PGD: variants seen among roughly 807,000 people sequenced by gnomAD.
PGD encodes the protein phosphogluconate dehydrogenase, also known as 6-phosphogluconate dehydrogenase, decarboxylating.
A neutral mutation model predicts 60.4 loss-of-function variants in PGD; 21 were observed. The ratio of observed to expected loss-of-function variants is 0.35; its 90% confidence interval spans 0.25 to 0.50. The LOEUF (loss-of-function observed/expected upper bound fraction) is 0.50, where lower values mean the gene tolerates loss of function less well. Among genes scored for constraint, PGD ranks in the 20% least tolerant of loss-of-function variants. The pLI, the probability that PGD is intolerant of heterozygous loss-of-function variation, is 0.98. For missense variants in PGD, 477 were observed against 613.1 expected, an observed-to-expected ratio of 0.78 and a Z score of 2.34; for synonymous variants, 230 against 235.9, an observed-to-expected ratio of 0.97 and a Z score of 0.23.
chr1:10,412,952 C>A, intron 7 of PGD, 110 bp from the exon 8 acceptor site: 1 of 884,512 alleles, frequency 1.1e-6, no homozygotes, highest in Non-Finnish European at 1.8e-6. Flanking sequence ...CAGACGCGAG[C>A]AGAGCCTGCT....
chr1:10,406,298 C>T (rs977998280), intron 5 of PGD, among the ~76,000 whole-genome samples: 46 of 151,946 alleles, frequency 3.0e-4, no homozygotes, highest in African/African-American at 1.1e-3. Flanking sequence ...ACCTGTAGTG[C>T]CAGCTATTCA....
intron 10 of PGD, among the ~76,000 whole-genome samples, chr1:10,417,734 A>G (rs1270924375): frequency 6.6e-6 from 1 of 151,924 alleles, no homozygotes; most frequent in African/African-American, 2.4e-5. Flanking sequence ...TTTGAGACCA[A>G]GTTTCGCTCT....
rs1639360333 is a variant in PGD at position 10,404,108 on chromosome 1, T to C, written c.331-53T>C. 3 of 1,255,466 alleles carry C rather than the reference T, an allele frequency of 2.4e-6. No individual in the cohort carries two copies. The South Asian group carries it at 3.9e-5, about 16-fold the overall frequency. The allele number at this position is 1,255,466 out of a possible 1,614,324, so 77.8% of individuals were successfully genotyped here. On this transcript the variant is annotated intron_variant, in intron 4 of 12. Coordinates refer to ENST00000270776, the MANE Select transcript of PGD (RefSeq NM_002631.4). ...CATTTTTGGGTAGCATAATGAAACA[T>C]GGAAGCATAATGAAACATGGAAGCA...
chr1:10,417,395 T>C lies in PGD; in HGVS notation c.995T>C (p.Ile332Thr). The change falls in exon 10 of 13, where the codon ATC (isoleucine) becomes ACC (threonine). Residue 332 changes from isoleucine (I) to threonine (T), a missense_variant. Ile to Thr is a moderately conservative substitution (Grantham distance 89). Transcript: ENST00000270776. The stretch of plus-strand genomic sequence containing the variant: ...CTTTAGGCACTCTACGCTTCCAAGA[T>C]CATCTCTTACGCTCAAGGCTTTATG... Reference protein sequence around the residue: ...DIRKALYASKIISYAQGFMLL... With the variant: ...DIRKALYASKTISYAQGFMLL... 2.5e-6 allele frequency: 4 copies of C among 1,612,156 alleles called. No individual in the cohort carries two copies. The highest frequency in any genetic ancestry group is 3.4e-6 in the Non-Finnish European group (4 of 1,179,240).
chr1:10,408,548 C>T (rs868610817), intron 6 of PGD, among the ~76,000 whole-genome samples: 2 of 152,196 alleles, frequency 1.3e-5, no homozygotes, highest in Middle Eastern at 3.4e-3. Context: ...ATTCCATGAA[C>T]GTGGAAAATT....
chr1:10,403,798 C>G lies in PGD; in HGVS notation c.331-363C>G, dbSNP rs534997150. 5.9e-5 allele frequency among the ~76,000 whole-genome samples: 9 copies of G among 152,294 alleles called. No homozygotes were observed. In the East Asian group the frequency reaches 1.7e-3, roughly 29 times the overall value. ...CAAATGCTGAGGGAATTCCTGTGTG[C>G]TCTGAAGTGCTGAATGGCATTAAGT... On this transcript the variant is annotated intron_variant, in intron 4 of 12. Coordinates refer to ENST00000270776, the MANE Select transcript of PGD (RefSeq NM_002631.4).
intron 2 of PGD, chr1:10,400,044 G>A: frequency 2.2e-6 from 1 of 458,442 alleles, no homozygotes; most frequent in Non-Finnish European, 4.0e-6. Context: ...GAGTGAAAAT[G>A]TTTCTTCTAA....
intron 5 of PGD, among the ~76,000 whole-genome samples, chr1:10,406,485 CAT>C (rs917984918): frequency 1.3e-5 from 2 of 152,192 alleles, no homozygotes; most frequent in African/African-American, 4.8e-5. Context: ...AAGTATTTGA[CAT>C]ATGGAGTGCT....
At chr1:10,409,847 G>A (rs189253643) in intron 6 of PGD, among the ~76,000 whole-genome samples, 226 of 151,738 alleles carry the variant, frequency 1.5e-3, no homozygotes, top group Non-Finnish European at 2.4e-3. Context: ...GTAGAGATGG[G>A]GTTTCACCAT....
intron 4 of PGD, 142 bp from the exon 5 acceptor site, chr1:10,404,019 G>T: frequency 1.5e-6 from 1 of 651,900 alleles, no homozygotes; most frequent in Non-Finnish European, 2.7e-6. Context: ...AGATCCTTGG[G>T]TCATTTCCTG....
intron 5 of PGD, among the ~76,000 whole-genome samples, chr1:10,407,311 G>A (rs1368255290): frequency 2.0e-5 from 3 of 152,192 alleles, no homozygotes; most frequent in East Asian, 1.9e-4. Flanking sequence ...TTAGCTGGGT[G>A]TGATGGCACA....
intron 8 of PGD, among the ~76,000 whole-genome samples, chr1:10,413,452 T>C (rs767543852): frequency 6.6e-6 from 1 of 152,228 alleles, no homozygotes; most frequent in African/African-American, 2.4e-5. Context: ...GTAGTTCTTA[T>C]CTCATTCGTA....
intron 8 of PGD, among the ~76,000 whole-genome samples, chr1:10,414,244 A>T (rs956493445): frequency 7.0e-4 from 106 of 152,150 alleles, no homozygotes; most frequent in Non-Finnish European, 1.2e-4. Flanking sequence ...TATCCTGCCC[A>T]CTTGTTTTAT....
intron 5 of PGD, among the ~76,000 whole-genome samples, chr1:10,405,429 T>C (rs1278616238): frequency 9.8e-5 from 9 of 91,626 alleles, no homozygotes; most frequent in African/African-American, 2.4e-4. Context: ...CACACACATA[T>C]ATATAAATAA....
At chr1:10,405,112 C>T (rs899551228) in intron 5 of PGD, among the ~76,000 whole-genome samples, 3 of 151,938 alleles carry the variant, frequency 2.0e-5, no homozygotes, top group Non-Finnish European at 2.9e-5. Flanking sequence ...TGGTGGCTCA[C>T]GCCTGTAATC....
At chr1:10,413,677 G>GGGT (rs1639544431) in intron 8 of PGD, among the ~76,000 whole-genome samples, 1 of 152,114 alleles carries the variant, frequency 6.6e-6, no homozygotes, top group African/African-American at 2.4e-5. Context: ...AGGCCGAGGC[G>GGGT]GGTGGATCAT....
At chr1:10,408,279 G>A (rs1639442276) in intron 6 of PGD, 139 bp downstream of exon 6, 4 of 669,008 alleles carry the variant, frequency 6.0e-6, no homozygotes, top group Admixed American at 2.2e-5. Context: ...TGCTAGAATA[G>A]CCAACGCCTA....
chr1:10,417,332 C>G (rs1357876875), intron 9 of PGD, 44 bp from the exon 10 acceptor site: 1 of 1,568,844 alleles, frequency 6.4e-7, no homozygotes, highest in Non-Finnish European at 8.7e-7. Context: ...AAGGCGGTCA[C>G]TCTCCTAATG....
chr1:10,417,529 G>C lies in PGD; in HGVS notation c.1109+20G>C, dbSNP rs552549744. ...TAGAAGGTAAGTGAGAGGCAGCCCAGGGTCCGACGGGAAGGACTCACACGG... is the reference window on the plus strand; with the variant it reads ...TAGAAGGTAAGTGAGAGGCAGCCCACGGTCCGACGGGAAGGACTCACACGG... On this transcript the variant is annotated intron_variant, in intron 10 of 12. Coordinates refer to ENST00000270776, the MANE Select transcript of PGD (RefSeq NM_002631.4). 6.3e-7 allele frequency: 1 copy of C among 1,595,372 alleles called. No individual in the cohort carries two copies. Among genetic ancestry groups the C allele is most frequent in the East Asian group, 2.2e-5 (1 of 44,704 alleles).
Sources: gnomAD v4.1 joint callset for allele counts (sites outside exome capture counted in the v4.1 genomes callset) on GRCh38, gnomAD v4.1.1 for gene constraint, MANE v1.5 for transcripts, NCBI Gene and HGNC (gene_info 2026-07-23, HGNC 2026-07-21) for gene names.